DMD: variants seen among roughly 807,000 people sequenced by gnomAD.
The protein encoded by DMD is dystrophin, also known as mutant dystrophin.
Under a neutral mutation model 330.1 loss-of-function variants are expected in DMD, and 63 were observed. That is an observed-to-expected ratio of 0.19 (90% CI 0.16 to 0.24). The LOEUF (loss-of-function observed/expected upper bound fraction) is 0.24, where lower values mean the gene tolerates loss of function less well. DMD is among the 10% of genes least tolerant of loss of function. The pLI is 1.00. For synonymous variants in DMD, 1,223 were observed against 959.8 expected (o/e 1.27, Z -5.07); for missense variants, 3,344 against 2,684.1 (o/e 1.25, Z -5.43).
At chrX:31,349,820 G>A (rs758190949) in intron 60 of DMD, among the ~76,000 whole-genome samples, 1 of 111,955 alleles carries the variant, frequency 8.9e-6, no homozygotes, top group Non-Finnish European at 1.9e-5. Context: ...ATCAGAGCTT[G>A]CACAGAGCAA....
At chrX:31,291,599 G>T (rs1186315080) in intron 62 of DMD, among the ~76,000 whole-genome samples, 1 of 111,566 alleles carries the variant, frequency 9.0e-6, no homozygotes, top group Admixed American at 9.6e-5. Context: ...AGAAGAAATA[G>T]AAAATTGGAA....
At chrX:32,655,652 G>A (rs1420233635) in intron 9 of DMD, among the ~76,000 whole-genome samples, 1 of 111,878 alleles carries the variant, frequency 8.9e-6, no homozygotes, top group East Asian at 2.8e-4. Flanking sequence ...ATGTCTATGA[G>A]GTCCGCTTGT....
chrX:33,298,978 A>T (rs1196124551), intron 1 of DMD, among the ~76,000 whole-genome samples: 1 of 111,811 alleles, frequency 8.9e-6, no homozygotes. Context: ...CTTAATGTCT[A>T]CCACCTCCAC....
At chrX:32,613,535 CAT>C (rs1368957736) in intron 12 of DMD, among the ~76,000 whole-genome samples, 1 of 110,436 alleles carries the variant, frequency 9.1e-6, no homozygotes, top group Non-Finnish European at 1.9e-5. Context: ...TAAAAAATGT[CAT>C]ATTCTATAGA....
chrX:32,461,673 T>C (rs749582159), intron 25 of DMD, among the ~76,000 whole-genome samples: 4 of 110,749 alleles, frequency 3.6e-5, no homozygotes, highest in South Asian at 7.6e-4. Flanking sequence ...TTGGCTGATG[T>C]TTTCCCCTTG....
At chrX:31,967,817 T>C (rs1172161046) in intron 45 of DMD, among the ~76,000 whole-genome samples, 2 of 111,973 alleles carry the variant, frequency 1.8e-5, no homozygotes, top group East Asian at 5.6e-4. Context: ...CAGTAACCTT[T>C]TTGAGGTTTT....
chrX:32,087,357 T>C (rs2147963175), intron 44 of DMD, among the ~76,000 whole-genome samples: 1 of 111,886 alleles, frequency 8.9e-6, no homozygotes, highest in African/African-American at 3.2e-5. Flanking sequence ...TACATAAACG[T>C]AGCAGAAATG....
chrX:32,843,356 CAA>C (rs1356714426), intron 4 of DMD, among the ~76,000 whole-genome samples: 2 of 111,707 alleles, frequency 1.8e-5, no homozygotes, highest in East Asian at 2.8e-4. Context: ...CTGATATTTC[CAA>C]AGAGTCCATC....
At chrX:33,217,377 G>C (rs1039477622) in intron 1 of DMD, among the ~76,000 whole-genome samples, 1 of 111,486 alleles carries the variant, frequency 9.0e-6, no homozygotes, top group African/African-American at 3.3e-5. Flanking sequence ...TGGAAGAATT[G>C]ATATATTTAC....
At chrX:32,879,163 G>A (rs1288126062) in intron 2 of DMD, among the ~76,000 whole-genome samples, 1 of 111,205 alleles carries the variant, frequency 9.0e-6, no homozygotes, top group African/African-American at 3.3e-5. Context: ...GCCTCTCACA[G>A]CCAGAAGGAA....
At position 32,423,386 on chromosome X, in the gene DMD, T is replaced by C. The variant is rs1204151276; in HGVS notation, c.4072-11473A>G. Among the ~76,000 whole-genome samples, 6 of 110,055 alleles carry C rather than the reference T, an allele frequency of 5.5e-5. No individual in the cohort carries two copies. In the Admixed American group the frequency reaches 5.9e-4, roughly 11 times the overall value. ...TATTAATGCCCTCCAAGAGCAAACA[T>C]AATTTGTCTAGAGTGAATATTAAAT... On this transcript the variant is annotated intron_variant, in intron 29 of 78. Transcript: ENST00000357033.
intron 27 of DMD, among the ~76,000 whole-genome samples, chrX:32,444,994 A>G (rs1422909974): frequency 9.0e-6 from 1 of 111,357 alleles, no homozygotes; most frequent in Non-Finnish European, 1.9e-5. Context: ...AGGTACTTCC[A>G]GTGCCCATAG....
At chrX:32,220,434 G>T (rs1178948839) in intron 43 of DMD, among the ~76,000 whole-genome samples, 1 of 110,767 alleles carries the variant, frequency 9.0e-6, no homozygotes, top group African/African-American at 3.3e-5. Context: ...AAAATCATGG[G>T]CTTTACATGT....
chrX:31,983,648 T>C (rs1156474054), intron 44 of DMD, among the ~76,000 whole-genome samples: 1 of 111,695 alleles, frequency 9.0e-6, no homozygotes, highest in Non-Finnish European at 1.9e-5. Context: ...CATGATCTTC[T>C]GTTAAAACAA....
At chrX:31,844,350 C>T (rs1050776068) in intron 48 of DMD, among the ~76,000 whole-genome samples, 2 of 104,511 alleles carry the variant, frequency 1.9e-5, no homozygotes, top group Admixed American at 1.1e-4. Flanking sequence ...TGTAGGTATG[C>T]GGCTTTATTT....
At chrX:33,315,538 TAATTA>T (rs2053920841) in intron 1 of DMD, among the ~76,000 whole-genome samples, 1 of 112,367 alleles carries the variant, frequency 8.9e-6, no homozygotes, top group Non-Finnish European at 1.9e-5. Flanking sequence ...ACTGTTGGGA[TAATTA>T]AATGCTGTCC....
intron 1 of DMD, among the ~76,000 whole-genome samples, chrX:33,250,882 T>C (rs1446383048): frequency 9.0e-6 from 1 of 111,028 alleles, no homozygotes; most frequent in Admixed American, 9.7e-5. Flanking sequence ...GCAAAAAAGA[T>C]GTCAAATATT....
At chrX:31,563,053 C>CTATA (rs2075280938) in intron 55 of DMD, among the ~76,000 whole-genome samples, 1 of 108,679 alleles carries the variant, frequency 9.2e-6, no homozygotes, top group Admixed American at 9.9e-5. Flanking sequence ...CAATTTGTAT[C>CTATA]TATTTATTTA....
At chrX:31,948,692 A>T (rs753826130) in intron 45 of DMD, among the ~76,000 whole-genome samples, 8 of 111,106 alleles carry the variant, frequency 7.2e-5, no homozygotes, top group African/African-American at 2.3e-4. Context: ...TTCTTTGGAG[A>T]AATATATATT....
Sources: gnomAD v4.1 joint callset for allele counts (sites outside exome capture counted in the v4.1 genomes callset) on GRCh38, gnomAD v4.1.1 for gene constraint, MANE v1.5 for transcripts, NCBI Gene and HGNC (gene_info 2026-07-23, HGNC 2026-07-21) for gene names.